The following KIAA1217 variants were observed in gnomAD, a reference collection of about 807,000 sequenced individuals.
The protein encoded by KIAA1217 is sickle tail protein homolog.
Under a neutral mutation model 163.9 loss-of-function variants are expected in KIAA1217, and 88 were observed. That is an observed-to-expected ratio of 0.54 (90% CI 0.45 to 0.64). KIAA1217 has a LOEUF of 0.64. Ranked by LOEUF, KIAA1217 falls within the 30% of genes least tolerant of loss-of-function variation. The pLI, the probability that KIAA1217 is intolerant of heterozygous loss-of-function variation, is 0.00. For missense variants in KIAA1217, 2,372 were observed against 2,475.0 expected (o/e 0.96, Z 0.88); for synonymous variants, 903 against 923.1 (o/e 0.98, Z 0.39).
chr10:24,545,366 C>T, intron 20 of KIAA1217: 1 of 1,361,694 alleles, frequency 7.3e-7, no homozygotes, highest in Non-Finnish European at 9.5e-7. Flanking sequence ...GACCAGGTGG[C>T]TTTTCTTTGG....
intron 2 of KIAA1217, among the ~76,000 whole-genome samples, chr10:24,350,133 A>G (rs1163325288): frequency 6.6e-6 from 1 of 152,290 alleles, no homozygotes; most frequent in South Asian, 2.1e-4. Flanking sequence ...AGAGAAGAAA[A>G]TATTTTTGAG....
At chr10:24,349,963 T>C (rs900475732) in intron 2 of KIAA1217, among the ~76,000 whole-genome samples, 1 of 151,952 alleles carries the variant, frequency 6.6e-6, no homozygotes, top group Non-Finnish European at 1.5e-5. Flanking sequence ...GGAGGTGGAG[T>C]TGGGACAGGA....
At chr10:24,196,984 G>A (rs2067020675) in intron 2 of KIAA1217, among the ~76,000 whole-genome samples, 1 of 152,178 alleles carries the variant, frequency 6.6e-6, no homozygotes, top group African/African-American at 2.4e-5. Flanking sequence ...CAGGCACCGT[G>A]CCAGGTGCTA....
intron 2 of KIAA1217, among the ~76,000 whole-genome samples, chr10:24,349,075 C>A (rs1430691286): frequency 6.7e-6 from 1 of 149,446 alleles, no homozygotes; most frequent in African/African-American, 2.5e-5. Flanking sequence ...CTGCAATGAG[C>A]CATGATCATG....
chr10:24,336,695 G>A (rs188074381), intron 2 of KIAA1217, among the ~76,000 whole-genome samples: 111 of 152,304 alleles, frequency 7.3e-4, no homozygotes, highest in African/African-American at 2.5e-3. Flanking sequence ...TTTCTTTCAA[G>A]AAAGAGGGCA....
At chr10:24,380,783 C>G in intron 2 of KIAA1217, 86 bp from the exon 3 acceptor site, 1 of 1,058,860 alleles carries the variant, frequency 9.4e-7, no homozygotes, top group Non-Finnish European at 1.3e-6. Flanking sequence ...ATTATTTTTC[C>G]AGATTAATAG....
In KIAA1217 at chr10:24,019,440, C is replaced by T. The variant is rs552360423; in HGVS notation, c.-171+12066C>T. On this transcript the variant is annotated intron_variant, in intron 2 of 18. Coordinates refer to the KIAA1217 transcript ENST00000376462. ...AAAATAAAAATAATTTAAAATGCCA[C>T]TTAAAAAGACAGAGTGGAGGTAATT... Among the ~76,000 whole-genome samples the T allele has an allele frequency of 1.4e-4, 22 of 151,766 alleles. No individual in the cohort carries two copies. In the Middle Eastern group the frequency reaches 0.014, roughly 94 times the overall value.
rs141801430 is a variant in KIAA1217 at position 24,498,606 on chromosome 10, G to A, written c.1835-2773G>A. On this transcript the variant is annotated intron_variant, in intron 8 of 20. Transcript: ENST00000376454. ...GGCCGAGGCAGGAGGATCGCTTGAGGCCAGGAGTTCAAGACCACCCTGGGC... is the reference window on the plus strand; with the variant it reads ...GGCCGAGGCAGGAGGATCGCTTGAGACCAGGAGTTCAAGACCACCCTGGGC... Among the ~76,000 whole-genome samples the A allele has an allele frequency of 7.8e-3, 1,191 of 152,160 alleles. 10 individuals are homozygous for A. The highest frequency in any genetic ancestry group is 0.01 in the Non-Finnish European group (706 of 68,008).
At chr10:24,287,249 C>T (rs970679131) in intron 2 of KIAA1217, among the ~76,000 whole-genome samples, 2 of 152,154 alleles carry the variant, frequency 1.3e-5, no homozygotes, top group African/African-American at 4.8e-5. Flanking sequence ...CAGGGTTTCA[C>T]CATGTTGGTC....
chr10:23,712,247 G>A (rs1387234148), intron 1 of KIAA1217, among the ~76,000 whole-genome samples: 4 of 152,062 alleles, frequency 2.6e-5, no homozygotes, highest in African/African-American at 7.2e-5. Flanking sequence ...AGGAACATAA[G>A]CATCTCTCCT....
At chr10:24,371,156 T>C (rs2051590404) in intron 2 of KIAA1217, among the ~76,000 whole-genome samples, 1 of 152,150 alleles carries the variant, frequency 6.6e-6, no homozygotes, top group Admixed American at 6.5e-5. Flanking sequence ...AGAGTTTATG[T>C]CATGTTACAG....
rs2053206626 is a variant in KIAA1217, at chr10:24,380,849, C to G, written c.355-20C>G. 1 of 1,484,800 alleles carries G rather than the reference C, an allele frequency of 6.7e-7. No homozygotes were observed. The highest frequency in any genetic ancestry group is 9.0e-7 in the Non-Finnish European group (1 of 1,113,076). 92.0% of individuals were successfully genotyped at this position (1,484,800 alleles called of 1,614,324 possible). ...TAATAATAGTCTATTTTCCCACTTTCTTTAAAATGCCTTTTGCAGACAAGG... is the reference window on the plus strand; with the variant it reads ...TAATAATAGTCTATTTTCCCACTTTGTTTAAAATGCCTTTTGCAGACAAGG... On this transcript the variant is annotated intron_variant, in intron 2 of 20. Transcript: ENST00000376454.
At chr10:24,068,570 C>G (rs1466694397) in intron 2 of KIAA1217, among the ~76,000 whole-genome samples, 1 of 152,164 alleles carries the variant, frequency 6.6e-6, no homozygotes, top group Non-Finnish European at 1.5e-5. Context: ...AAAACTACCA[C>G]TTTGCCCAGT....
chr10:23,743,427 T>A (rs1839228207), intron 1 of KIAA1217, among the ~76,000 whole-genome samples: 1 of 152,154 alleles, frequency 6.6e-6, no homozygotes, highest in Non-Finnish European at 1.5e-5. Flanking sequence ...TTTAAATGGA[T>A]TTCACATGTG....
chr10:24,538,448 C>T (rs188487248), intron 17 of KIAA1217, among the ~76,000 whole-genome samples: 9 of 151,014 alleles, frequency 6.0e-5, no homozygotes, highest in East Asian at 3.9e-4. Flanking sequence ...GAGGCCAAGA[C>T]GGAAGAATCA....
At chr10:24,401,978 G>C (rs984152706) in intron 3 of KIAA1217, among the ~76,000 whole-genome samples, 19 of 152,044 alleles carry the variant, frequency 1.2e-4, no homozygotes, top group African/African-American at 4.1e-4. Context: ...GAAATACTTA[G>C]GTATACATAA....
intron 1 of KIAA1217, among the ~76,000 whole-genome samples, chr10:23,734,368 C>A (rs1838663590): frequency 6.6e-6 from 1 of 151,350 alleles, no homozygotes; most frequent in African/African-American, 2.4e-5. Flanking sequence ...CTCACTGCAA[C>A]CTCTGCCTCC....
rs11331007 is a variant in KIAA1217, at chr10:24,279,237, G to GT, written c.354+59339dup. Among the ~76,000 whole-genome samples, 30 of 147,516 alleles carry GT rather than the reference G, an allele frequency of 2.0e-4. No individual in the cohort carries two copies. The South Asian group carries it at 3.6e-3, about 18-fold the overall frequency. ...TTTCTTCTTTGCATTTCTAGTGTCT[G>GT]TTTTTTTTTTTGTTGGTGGTGGTGG... On this transcript the variant is annotated intron_variant, in intron 2 of 20. Transcript: ENST00000376454.
chr10:24,329,146 TAC>T (rs2045332779), intron 2 of KIAA1217, among the ~76,000 whole-genome samples: 1 of 148,030 alleles, frequency 6.8e-6, no homozygotes, highest in African/African-American at 2.5e-5. Flanking sequence ...TATAAATATA[TAC>T]ATAGTTTATA....
Sources: gnomAD v4.1 joint callset for allele counts (sites outside exome capture counted in the v4.1 genomes callset) on GRCh38, gnomAD v4.1.1 for gene constraint, MANE v1.5 for transcripts, NCBI Gene and HGNC (gene_info 2026-07-23, HGNC 2026-07-21) for gene names.